SORBS2: variants seen among roughly 807,000 people sequenced by gnomAD.
The protein encoded by SORBS2 is sorbin and SH3 domain containing 2.
In SORBS2, 46 loss-of-function variants were observed where a neutral mutation model predicts 97.7. The observed-to-expected ratio is 0.47, with a 90% CI of 0.37 to 0.60. The LOEUF is 0.60. SORBS2 is among the 20% of genes least tolerant of loss of function. The probability of loss-of-function intolerance (pLI) is 0.00; values close to 1 mark genes in which losing one functional copy is unlikely to be tolerated. For synonymous variants in SORBS2, 476 were observed against 473.4 expected (o/e 1.01, Z -0.07); for missense variants, 1,316 against 1,282.3 (o/e 1.03, Z -0.40).
At chr4:185,890,811 T>G (rs2099242099) in intron 1 of SORBS2, among the ~76,000 whole-genome samples, 1 of 152,190 alleles carries the variant, frequency 6.6e-6, no homozygotes. Flanking sequence ...AGTGGCTCCA[T>G]ATGTGTGGAA....
intron 1 of SORBS2, among the ~76,000 whole-genome samples, chr4:185,927,457 G>A (rs1036154159): frequency 6.0e-5 from 9 of 150,896 alleles, no homozygotes; most frequent in Non-Finnish European, 1.0e-4. Context: ...CCCCTGACAG[G>A]CCCCTGTGTG....
intron 2 of SORBS2, among the ~76,000 whole-genome samples, chr4:185,722,380 A>G (rs888252527): frequency 1.3e-5 from 2 of 152,272 alleles, no homozygotes; most frequent in Non-Finnish European, 2.9e-5. Flanking sequence ...CTAAATTATT[A>G]TCATTCATGT....
At position 185,685,573 on chromosome 4, in the gene SORBS2, CCAGGCTGGAGTG is replaced by C. The variant is rs2097941352; in HGVS notation, c.-197-6763_-197-6752del. Among the ~76,000 whole-genome samples, 4 of 152,082 alleles carry C rather than the reference CCAGGCTGGAGTG, an allele frequency of 2.6e-5. No homozygotes were observed. The South Asian group carries it at 8.3e-4, about 32-fold the overall frequency. The stretch of plus-strand genomic sequence containing the variant: ...TAGGGCCGGAGTCTTGCTCCATCAC[CCAGGCTGGAGTG>C]CAGTGGTACCATCACAGCTCATTGC... On this transcript the variant is annotated intron_variant, in intron 2 of 20. Coordinates refer to the SORBS2 transcript ENST00000284776.
At chr4:185,940,221 A>G (rs1427855744) in intron 1 of SORBS2, among the ~76,000 whole-genome samples, 2 of 152,108 alleles carry the variant, frequency 1.3e-5, no homozygotes, top group East Asian at 3.9e-4. Flanking sequence ...TCCCAAACAT[A>G]TATCTCCAGG....
intron 1 of SORBS2, among the ~76,000 whole-genome samples, chr4:185,892,689 G>A (rs578107403): frequency 6.6e-6 from 1 of 152,316 alleles, no homozygotes; most frequent in South Asian, 2.1e-4. Flanking sequence ...AATCCTGTAT[G>A]ATTCCAATCA....
Position 185,684,981 on chromosome 4 carries a change from C to T in SORBS2, c.-197-6159G>A, listed in dbSNP as rs72700110. 0.075 allele frequency: 48,318 copies of T among 646,492 alleles called. 2,214 individuals carry two copies. Among genetic ancestry groups the T allele is most frequent in the Middle Eastern group, 0.15 (607 of 3,948 alleles). The allele number at this position is 646,492 out of a possible 1,614,324, so 40.0% of individuals were successfully genotyped here. ...TAGAATTAGTAATCATGGAATGCAC[C>T]TGCCAATTTCACACCACCCTCAAAC... On this transcript the variant is annotated intron_variant, in intron 2 of 20. Transcript: ENST00000284776. This position sits in a 1 kb window ranked among gnomAD's most constrained non-coding sequence, Gnocchi z 4.2.
At chr4:185,825,740 C>G (rs1253861881) in intron 1 of SORBS2, among the ~76,000 whole-genome samples, 1 of 152,138 alleles carries the variant, frequency 6.6e-6, no homozygotes, top group Non-Finnish European at 1.5e-5. Context: ...GGCTAGATTA[C>G]TTTATTAGCA....
At chr4:185,833,075 G>A (rs549658549) in intron 1 of SORBS2, among the ~76,000 whole-genome samples, 1 of 152,130 alleles carries the variant, frequency 6.6e-6, no homozygotes. Flanking sequence ...GAACATTTTT[G>A]TTATCACATT....
intron 1 of SORBS2, among the ~76,000 whole-genome samples, chr4:185,835,220 T>C (rs774485221): frequency 2.0e-5 from 3 of 152,198 alleles, no homozygotes; most frequent in Non-Finnish European, 2.9e-5. Context: ...AAACCTCTTT[T>C]CTTGATAAAT....
intron 1 of SORBS2, among the ~76,000 whole-genome samples, chr4:185,802,620 G>A (rs186085844): frequency 4.7e-4 from 71 of 152,316 alleles, no homozygotes; most frequent in Admixed American, 4.0e-3. Context: ...GGAGAGCAGA[G>A]AACTCATCAT....
intron 7 of SORBS2, among the ~76,000 whole-genome samples, chr4:185,620,651 A>G (rs1384709997): frequency 6.6e-6 from 1 of 152,178 alleles, no homozygotes; most frequent in African/African-American, 2.4e-5. Context: ...TGAGGATGAC[A>G]GGAGGGTGGT....
At chr4:185,765,615 C>T (rs745823832) in intron 2 of SORBS2, among the ~76,000 whole-genome samples, 15 of 152,154 alleles carry the variant, frequency 9.9e-5, no homozygotes, top group Non-Finnish European at 1.9e-4. Flanking sequence ...AGAGGTGGAT[C>T]TCACCATGTG....
chr4:185,739,810 T>G (rs936440841), intron 2 of SORBS2, among the ~76,000 whole-genome samples: 1 of 152,216 alleles, frequency 6.6e-6, no homozygotes, highest in African/African-American at 2.4e-5. Flanking sequence ...TCTCAAAGAT[T>G]AATGATACAC....
chr4:185,917,537 C>G (rs1294931145), intron 1 of SORBS2, among the ~76,000 whole-genome samples: 2 of 152,168 alleles, frequency 1.3e-5, no homozygotes, highest in Non-Finnish European at 2.9e-5. Context: ...CCATAATATC[C>G]TTTATAATAA....
At chr4:185,698,969 G>T (rs2098219504) in intron 2 of SORBS2, among the ~76,000 whole-genome samples, 1 of 151,928 alleles carries the variant, frequency 6.6e-6, no homozygotes, top group Non-Finnish European at 1.5e-5. Flanking sequence ...AGTGAAATAA[G>T]CCTGCTTATT....
intron 13 of SORBS2, chr4:185,593,020 C>T (rs979041885): frequency 2.0e-5 from 3 of 152,204 alleles, no homozygotes; most frequent in Non-Finnish European, 4.4e-5. Context: ...ATAAAGGCAC[C>T]AGGTCATATG....
intron 4 of SORBS2, among the ~76,000 whole-genome samples, chr4:185,673,620 C>T (rs962490133): frequency 4.0e-4 from 61 of 152,200 alleles, no homozygotes; most frequent in African/African-American, 1.5e-3. Context: ...CTCAAACCTC[C>T]CAGCAGTTCT....
At chr4:185,709,311 T>TTTTTTTC (rs2098394675) in intron 2 of SORBS2, among the ~76,000 whole-genome samples, 1 of 145,734 alleles carries the variant, frequency 6.9e-6, no homozygotes, top group Non-Finnish European at 1.5e-5. Context: ...AATCTTTTTT[T>TTTTTTTC]TTTTTTTTTT....
chr4:185,838,594 G>A (rs969901333), intron 1 of SORBS2, among the ~76,000 whole-genome samples: 1 of 152,212 alleles, frequency 6.6e-6, no homozygotes, highest in African/African-American at 2.4e-5. Flanking sequence ...AAAAGCTCTT[G>A]AGAAACTAAG....
Sources: gnomAD v4.1 joint callset for allele counts (sites outside exome capture counted in the v4.1 genomes callset) on GRCh38, gnomAD v4.1.1 for gene constraint, Gnocchi (gnomAD v3.1) non-coding constraint, MANE v1.5 for transcripts, NCBI Gene and HGNC (gene_info 2026-07-23, HGNC 2026-07-21) for gene names.